Variants in SSBP3 observed in about 807,000 individuals in gnomAD.
SSBP3 encodes single-stranded DNA-binding protein 3.
Under a neutral mutation model 69.6 loss-of-function variants are expected in SSBP3, and 5 were observed. The observed-to-expected ratio is 0.07, with a 90% CI of 0.04 to 0.15. SSBP3 has a LOEUF of 0.15. Among genes scored for constraint, SSBP3 ranks in the 10% least tolerant of loss-of-function variants. SSBP3 has a pLI of 1.00. For missense variants in SSBP3, 312 were observed against 534.0 expected, an observed-to-expected ratio of 0.58 and a Z score of 4.10; for synonymous variants, 196 against 193.4, an observed-to-expected ratio of 1.01 and a Z score of -0.11.
At chr1:54,282,696 A>C (rs1050312847) in intron 4 of SSBP3, among the ~76,000 whole-genome samples, 1 of 152,194 alleles carries the variant, frequency 6.6e-6, no homozygotes, top group Non-Finnish European at 1.5e-5. Flanking sequence ...CAGGTCTGAC[A>C]GTCCTACCTG....
intron 12 of SSBP3, 61 bp downstream of exon 12, chr1:54,241,413 T>C (rs367820781): frequency 1.5e-5 from 23 of 1,580,746 alleles, no homozygotes; most frequent in Middle Eastern, 1.7e-4. Flanking sequence ...CCCAGACCAG[T>C]TCTCTTGCAC....
At chr1:54,318,775 C>T (rs1646160727) in intron 4 of SSBP3, among the ~76,000 whole-genome samples, 1 of 152,194 alleles carries the variant, frequency 6.6e-6, no homozygotes. Flanking sequence ...CTTCCCCCTC[C>T]TCCCACTACA....
chr1:54,305,974 GTAC>G (rs951727660), intron 4 of SSBP3, among the ~76,000 whole-genome samples: 47 of 151,490 alleles, frequency 3.1e-4, no homozygotes, highest in African/African-American at 1.1e-3. Flanking sequence ...ATTTGTAAAA[GTAC>G]TACTAACTTT....
intron 4 of SSBP3, among the ~76,000 whole-genome samples, chr1:54,361,808 T>C (rs1175293322): frequency 2.0e-5 from 3 of 152,174 alleles, no homozygotes; most frequent in Non-Finnish European, 4.4e-5. Context: ...ACCACCACGA[T>C]GATACTACTG....
At chr1:54,297,945 T>TC (rs1395654741) in intron 4 of SSBP3, among the ~76,000 whole-genome samples, 2 of 152,014 alleles carry the variant, frequency 1.3e-5, no homozygotes, top group Admixed American at 6.5e-5. Flanking sequence ...ATCAGATCCC[T>TC]CCTCAGTTCT....
At chr1:54,249,940 T>A (rs1644798524) in intron 9 of SSBP3, among the ~76,000 whole-genome samples, 1 of 152,090 alleles carries the variant, frequency 6.6e-6, no homozygotes, top group Admixed American at 6.6e-5. Context: ...TCAGATTCCA[T>A]CCTCCTGAGT....
chr1:54,355,844 C>A (rs536097912), intron 4 of SSBP3, among the ~76,000 whole-genome samples: 56 of 152,270 alleles, frequency 3.7e-4, no homozygotes, highest in South Asian at 1.0e-3. Flanking sequence ...CCGCTTTGTG[C>A]GAGGGGACAC....
intron 4 of SSBP3, among the ~76,000 whole-genome samples, chr1:54,370,246 T>C (rs1428213023): frequency 6.6e-6 from 1 of 152,142 alleles, no homozygotes; most frequent in African/African-American, 2.4e-5. Context: ...TGCATCCAAC[T>C]TTCACTTATC....
At chr1:54,275,304 A>G (rs1645264355) in intron 5 of SSBP3, among the ~76,000 whole-genome samples, 1 of 152,220 alleles carries the variant, frequency 6.6e-6, no homozygotes, top group African/African-American at 2.4e-5. Flanking sequence ...GCGCCCCGCC[A>G]CCAAGCTTCC....
chr1:54,329,934 C>G (rs1373790776), intron 4 of SSBP3, among the ~76,000 whole-genome samples: 1 of 152,176 alleles, frequency 6.6e-6, no homozygotes, highest in African/African-American at 2.4e-5. Flanking sequence ...TACCCAGTAG[C>G]TGGAAGGAGA....
chr1:54,239,171 G>A, exon 14 of SSBP3: 2 of 1,613,826 alleles, frequency 1.2e-6, no homozygotes, highest in Non-Finnish European at 1.7e-6. Flanking sequence ...TAATCATTGT[G>A]TAGATGTTGT....
chr1:54,238,930 CCCTT>C, intron 14 of SSBP3, 195 bp downstream of exon 14: 1 of 396,728 alleles, frequency 2.5e-6, no homozygotes, highest in Non-Finnish European at 5.0e-6. Context: ...ATCGTCCCAC[CCCTT>C]CCTCTCCCAC....
chr1:54,238,212 C>T lies in SSBP3; in HGVS notation c.927+917G>A, dbSNP rs1245448036. On this transcript the variant is annotated intron_variant, in intron 14 of 17. Coordinates refer to ENST00000610401, the Ensembl canonical transcript of SSBP3. Reference sequence around the variant, plus strand: ...AGGGCAGCCCGCGCTCGGGGTTTAACACGTGGGGTGATCCGGGTGTCACCT... The same window carrying T: ...AGGGCAGCCCGCGCTCGGGGTTTAATACGTGGGGTGATCCGGGTGTCACCT... 6.4e-6 allele frequency: 3 copies of T among 471,098 alleles called. No homozygotes were observed. The Admixed American group carries it at 7.0e-5, about 11-fold the overall frequency. 29.2% of individuals were successfully genotyped at this position (471,098 alleles called of 1,614,324 possible).
intron 4 of SSBP3, among the ~76,000 whole-genome samples, chr1:54,326,792 G>C (rs1362248634): frequency 6.6e-6 from 1 of 152,094 alleles, no homozygotes; most frequent in African/African-American, 2.4e-5. Context: ...CAGGCCTGTG[G>C]GTCTGATACC....
chr1:54,244,134 A>T (rs972744078), intron 9 of SSBP3, among the ~76,000 whole-genome samples: 1 of 150,358 alleles, frequency 6.7e-6, no homozygotes, highest in Admixed American at 6.6e-5. Context: ...ATGAAGTCTC[A>T]CTCTTGTTGC....
intron 7 of SSBP3, among the ~76,000 whole-genome samples, chr1:54,254,277 T>C (rs1486348778): frequency 1.3e-5 from 2 of 152,182 alleles, no homozygotes; most frequent in Non-Finnish European, 2.9e-5. Flanking sequence ...GACAAATCCC[T>C]GCTGCATCCG....
rs869039822 is a variant in SSBP3 at position 54,337,485 on chromosome 1, C to CTTTTT, written c.277-55963_277-55959dup. ...ACCAAAGCATTTTGTTTTCCTCAAG[C>CTTTTT]TTTTTTTTTTTTTTTTTTTTTTTTT... On this transcript the variant is annotated intron_variant, in intron 4 of 17. Transcript: ENST00000610401. Among the ~76,000 whole-genome samples the CTTTTT allele has an allele frequency of 1.8e-3, 94 of 51,166 alleles. 13 individuals carry two copies. The highest frequency in any genetic ancestry group is 3.5e-3 in the Admixed American group (11 of 3,142). 33.6% of individuals were successfully genotyped at this position (51,166 alleles called of 152,430 possible).
intron 4 of SSBP3, among the ~76,000 whole-genome samples, chr1:54,362,915 G>T (rs534687169): frequency 6.6e-6 from 1 of 152,210 alleles, no homozygotes; most frequent in East Asian, 1.9e-4. Flanking sequence ...CCCAGGAGTT[G>T]CAATCTGACT....
intron 13 of SSBP3, among the ~76,000 whole-genome samples, chr1:54,240,121 CAACACAT>C (rs1644601945): frequency 7.4e-5 from 1 of 13,480 alleles, no homozygotes; most frequent in African/African-American, 1.1e-4. Context: ...CGCGCGCGCG[CAACACAT>C]GCCCACGTAT....
Sources: gnomAD v4.1 joint callset for allele counts (sites outside exome capture counted in the v4.1 genomes callset) on GRCh38, gnomAD v4.1.1 for gene constraint, MANE v1.5 for transcripts, NCBI Gene and HGNC (gene_info 2026-07-23, HGNC 2026-07-21) for gene names.